Variants in UVRAG observed in about 807,000 individuals in gnomAD.
The protein encoded by UVRAG is UV radiation resistance associated.
UVRAG carries 19 observed loss-of-function variants against 78.0 expected under a neutral mutation model. The ratio of observed to expected loss-of-function variants is 0.24; its 90% CI spans 0.17 to 0.36. The LOEUF (loss-of-function observed/expected upper bound fraction) is 0.36. UVRAG is among the 10% of genes least tolerant of loss of function. UVRAG has a pLI of 1.00. For missense variants in UVRAG, 740 were observed against 853.8 expected (o/e 0.87, Z 1.66); for synonymous variants, 323 against 324.6 (o/e 1.00, Z 0.05).
At chr11:76,073,531 A>G (rs577734593) in intron 13 of UVRAG, among the ~76,000 whole-genome samples, 2 of 152,230 alleles carry the variant, frequency 1.3e-5, no homozygotes, top group South Asian at 4.1e-4. Context: ...TTTTGATAAG[A>G]TTGGTAGTGA....
chr11:76,088,445 A>C (rs1951632532), intron 13 of UVRAG, among the ~76,000 whole-genome samples: 1 of 151,648 alleles, frequency 6.6e-6, no homozygotes. Flanking sequence ...CTTCCCCCAA[A>C]TCCCATCTTC....
At chr11:75,838,520 TAGAG>T (rs952287818) in intron 1 of UVRAG, among the ~76,000 whole-genome samples, 8 of 152,042 alleles carry the variant, frequency 5.3e-5, no homozygotes, top group Admixed American at 1.3e-4. Context: ...AAGTTTTTCA[TAGAG>T]ACTCTCTCTC....
intron 1 of UVRAG, among the ~76,000 whole-genome samples, chr11:75,832,389 G>T (rs1376321904): frequency 6.6e-6 from 1 of 152,172 alleles, no homozygotes; most frequent in Non-Finnish European, 1.5e-5. Flanking sequence ...CTTGTGTTCA[G>T]TAATTTGTTA....
At chr11:75,943,077 A>C (rs1225112655) in intron 6 of UVRAG, among the ~76,000 whole-genome samples, 1 of 152,070 alleles carries the variant, frequency 6.6e-6, no homozygotes, top group Non-Finnish European at 1.5e-5. Flanking sequence ...ATAAAATAAA[A>C]AAAGTCCCAC....
rs548371369 is a variant in UVRAG at position 76,054,833 on chromosome 11, G to T, written c.1227-10877G>T. Among the ~76,000 whole-genome samples, 5 of 152,364 alleles carry T rather than the reference G, an allele frequency of 3.3e-5. No homozygotes were observed. In the South Asian group the frequency reaches 1.0e-3, roughly 32 times the overall value. ...GTTCACTGTGTTAGCACCTAGAAGA[G>T]TGCCTATCACAAGGTGATGATGCAG... On this transcript the variant is annotated intron_variant, in intron 12 of 14. Transcript: ENST00000356136.
chr11:75,985,748 G>C (rs1206487196), intron 8 of UVRAG, among the ~76,000 whole-genome samples: 1 of 151,672 alleles, frequency 6.6e-6, no homozygotes, highest in Non-Finnish European at 1.5e-5. Context: ...TTTTCGTATT[G>C]ATAGTCAGTT....
intron 2 of UVRAG, among the ~76,000 whole-genome samples, chr11:75,857,059 ACTTCTTGCTAT>A: frequency 6.6e-6 from 1 of 152,152 alleles, no homozygotes. Flanking sequence ...TAACCTAATC[ACTTCTTGCTAT>A]CTTCAAACCA....
chr11:75,898,387 A>G (rs752171549), intron 5 of UVRAG, among the ~76,000 whole-genome samples: 2 of 152,170 alleles, frequency 1.3e-5, no homozygotes, highest in Non-Finnish European at 2.9e-5. Flanking sequence ...TACCTCTGTT[A>G]GTAGCTCTTG....
intron 1 of UVRAG, among the ~76,000 whole-genome samples, chr11:75,849,442 C>T (rs1484583053): frequency 5.4e-5 from 8 of 146,830 alleles, no homozygotes; most frequent in African/African-American, 1.8e-4. Flanking sequence ...TGCAGAGAGC[C>T]GAGATTGCGC....
chr11:76,086,453 G>A lies in UVRAG; in HGVS notation c.1305+20665G>A, dbSNP rs113602637. Among the ~76,000 whole-genome samples, 982 of 152,250 alleles carry A rather than the reference G, an allele frequency of 6.4e-3. 10 individuals are homozygous for A. The highest frequency in any genetic ancestry group is 0.023 in the African/African-American group (937 of 41,544). On this transcript the variant is annotated intron_variant, in intron 13 of 14. Coordinates refer to ENST00000356136, the MANE Select transcript of UVRAG (RefSeq NM_003369.4). Reference sequence around the variant, plus strand: ...GGCTGTATTTTGTTTTCAGTTGTAAGTATCCTTTCATATTTGAAATTAATT... The same window carrying A: ...GGCTGTATTTTGTTTTCAGTTGTAAATATCCTTTCATATTTGAAATTAATT...
intron 8 of UVRAG, among the ~76,000 whole-genome samples, chr11:76,001,688 G>C (rs1949817536): frequency 6.6e-6 from 1 of 152,142 alleles, no homozygotes; most frequent in Non-Finnish European, 1.5e-5. Context: ...ATCTCACAAG[G>C]ACTTTAGAGG....
intron 13 of UVRAG, among the ~76,000 whole-genome samples, chr11:76,096,972 T>G (rs1301200110): frequency 1.3e-5 from 2 of 152,030 alleles, no homozygotes; most frequent in Non-Finnish European, 2.9e-5. Flanking sequence ...GCAAACTTCC[T>G]GGTAGCCATA....
At chr11:76,026,366 C>T (rs1950326925) in intron 12 of UVRAG, among the ~76,000 whole-genome samples, 1 of 152,110 alleles carries the variant, frequency 6.6e-6, no homozygotes, top group South Asian at 2.1e-4. Flanking sequence ...CATATTCCTT[C>T]CTATAAAAAT....
chr11:75,996,245 CA>C (rs5792707), intron 8 of UVRAG, among the ~76,000 whole-genome samples: 130,073 of 145,850 alleles, frequency 0.89, 57,830 homozygotes, highest in Middle Eastern at 0.96. Context: ...GTAACATTTA[CA>C]AAAAAAAAAA....
chr11:76,090,155 G>C (rs1951669481), intron 13 of UVRAG, among the ~76,000 whole-genome samples: 1 of 152,152 alleles, frequency 6.6e-6, no homozygotes, highest in African/African-American at 2.4e-5. Context: ...ATTTCTTCCT[G>C]ATAAGAGACC....
chr11:75,816,774 A>G (rs116029803), intron 1 of UVRAG, among the ~76,000 whole-genome samples: 1 of 152,192 alleles, frequency 6.6e-6, no homozygotes, highest in Admixed American at 6.5e-5. Context: ...TACCAGTGGG[A>G]CTTAGGAAGG....
At chr11:76,104,306 C>G (rs867352272) in intron 13 of UVRAG, among the ~76,000 whole-genome samples, 2 of 152,134 alleles carry the variant, frequency 1.3e-5, no homozygotes. Context: ...TTATCATCAT[C>G]GTTCTTAAGT....
intron 6 of UVRAG, among the ~76,000 whole-genome samples, chr11:75,913,511 G>T (rs372393462): frequency 1.4e-4 from 21 of 152,272 alleles, no homozygotes; most frequent in African/African-American, 4.3e-4. Context: ...TCTAAAAAGT[G>T]GAAGCAGTGA....
At chr11:75,834,190 C>G (rs373609872) in intron 1 of UVRAG, among the ~76,000 whole-genome samples, 4 of 152,232 alleles carry the variant, frequency 2.6e-5, no homozygotes, top group Non-Finnish European at 5.9e-5. Flanking sequence ...TAATGTAGAA[C>G]ATTTCCAAAG....
Sources: gnomAD v4.1 joint callset for allele counts (sites outside exome capture counted in the v4.1 genomes callset) on GRCh38, gnomAD v4.1.1 for gene constraint, MANE v1.5 for transcripts, NCBI Gene and HGNC (gene_info 2026-07-23, HGNC 2026-07-21) for gene names.